The following SEPSECS variants were observed in gnomAD, a reference collection of about 807,000 sequenced individuals.
SEPSECS encodes O-phosphoseryl-tRNA(Sec) selenium transferase.
SEPSECS carries 42 observed loss-of-function variants against 52.1 expected under a neutral mutation model. The observed-to-expected ratio is 0.81, with a 90% confidence interval of 0.63 to 1.04. The LOEUF (loss-of-function observed/expected upper bound fraction) is 1.04. Ranked by LOEUF, SEPSECS falls within the 50% of genes least tolerant of loss-of-function variation. The pLI, the probability that SEPSECS is intolerant of heterozygous loss-of-function variation, is 0.00. For missense variants in SEPSECS, 590 were observed against 610.6 expected, an observed-to-expected ratio of 0.97 and a Z score of 0.36; for synonymous variants, 216 against 211.4, an observed-to-expected ratio of 1.02 and a Z score of -0.19.
chr4:25,149,958 G>A (rs1047735244), intron 6 of SEPSECS, among the ~76,000 whole-genome samples: 6 of 152,146 alleles, frequency 3.9e-5, no homozygotes, highest in Non-Finnish European at 7.4e-5. Context: ...CTCCACCTCT[G>A]GACTTGCTAC....
intron 2 of SEPSECS, 125 bp downstream of exon 2, chr4:25,158,828 T>C: frequency 1.1e-6 from 1 of 933,840 alleles, no homozygotes; most frequent in Non-Finnish European, 1.7e-6. Context: ...ACATATCCAT[T>C]AGAGCAGGGA....
At chr4:25,137,005 T>C (rs1728866777) in intron 8 of SEPSECS, among the ~76,000 whole-genome samples, 2 of 152,224 alleles carry the variant, frequency 1.3e-5, no homozygotes. Context: ...GAAAACTGGC[T>C]AGCCATATGC....
In SEPSECS at chr4:25,120,899, A is replaced by G. The variant is rs1261336870; in HGVS notation, c.*3032T>C. ...AAATTATCTGTTTAAATTTTACTAA[A>G]ATCTATGGAAGCCATAGATGTAGTC... On this transcript the variant is annotated 3_prime_UTR_variant, in exon 11 of 11. Coordinates refer to ENST00000382103, the MANE Select transcript of SEPSECS (RefSeq NM_016955.4). 1 of 152,146 alleles carries G rather than the reference A, an allele frequency of 6.6e-6. No homozygotes were observed. Among genetic ancestry groups the G allele is most frequent in the East Asian group, 1.9e-4 (1 of 5,196 alleles). 9.4% of individuals were successfully genotyped at this position (152,146 alleles called of 1,614,324 possible). A position where few individuals can be genotyped will look rare whatever the true frequency, so the allele number is the denominator to read the frequency against.
At position 25,144,848 on chromosome 4, in the gene SEPSECS, G is replaced by A; in HGVS notation, c.952C>T (p.Pro318Ser). 6.2e-7 allele frequency: 1 copy of A among 1,612,900 alleles called. No homozygotes were observed. Among genetic ancestry groups the A allele is most frequent in the Non-Finnish European group, 8.5e-7 (1 of 1,179,094 alleles). ...KMYPGRASASPSLDVLITLLS... is the reference protein window; with the variant it reads ...KMYPGRASASSSLDVLITLLS... Reference sequence around the variant, plus strand: ...AAAGTAATAAGGACATCTAAAGAAGGTGAAGCTGAAGCTCTTCCTGAAATA... The same window carrying A: ...AAAGTAATAAGGACATCTAAAGAAGATGAAGCTGAAGCTCTTCCTGAAATA... Residue 318 changes from proline (P) to serine (S), a missense_variant, in exon 8 of 11, where the codon CCT becomes TCT. Physicochemically the swap from Pro to Ser is moderately conservative, Grantham distance 74. Transcript: ENST00000382103.
At chr4:25,142,413 T>C (rs1397786782) in intron 8 of SEPSECS, among the ~76,000 whole-genome samples, 1 of 152,214 alleles carries the variant, frequency 6.6e-6, no homozygotes, top group Non-Finnish European at 1.5e-5. Flanking sequence ...TCAAGCAAAC[T>C]TTGTAATTTC....
chr4:25,135,850 C>G (rs1461273938), intron 8 of SEPSECS, among the ~76,000 whole-genome samples: 1 of 152,164 alleles, frequency 6.6e-6, no homozygotes. Flanking sequence ...AAAAGCTTAT[C>G]CACCATGACT....
intron 10 of SEPSECS, among the ~76,000 whole-genome samples, chr4:25,124,909 T>C (rs1728301009): frequency 6.6e-6 from 1 of 152,048 alleles, no homozygotes; most frequent in Admixed American, 6.6e-5. Context: ...TTTTTGTTTT[T>C]TTCAAAGAAG....
chr4:25,155,352 AT>A, intron 4 of SEPSECS: 1 of 605,904 alleles, frequency 1.7e-6, no homozygotes, highest in Non-Finnish European at 2.9e-6. Context: ...CTACTACACA[AT>A]TTTAGGACCA....
upstream of SEPSECS, chr4:25,160,483 A>AAAAACAAAACAAAAC: frequency 1.2e-6 from 1 of 830,514 alleles, no homozygotes; most frequent in Non-Finnish European, 1.9e-6. Context: ...CCTTGGGACA[A>AAAAACAAAACAAAAC]AAAACAAAAC....
chr4:25,136,330 T>C (rs898237941), intron 8 of SEPSECS, among the ~76,000 whole-genome samples: 6 of 152,198 alleles, frequency 3.9e-5, no homozygotes, highest in African/African-American at 1.4e-4. Context: ...AAAAGTTTCT[T>C]AAGCTGATAA....
chr4:25,149,841 A>C (rs1212643541), intron 6 of SEPSECS, among the ~76,000 whole-genome samples: 18 of 152,260 alleles, frequency 1.2e-4, no homozygotes. Flanking sequence ...CAATAAGTGA[A>C]GAAGCCTTAA....
In SEPSECS at chr4:25,120,966, T is replaced by C. The variant is rs1728097674; in HGVS notation, c.*2965A>G. The C allele has an allele frequency of 6.6e-6, 1 of 152,130 alleles. No individual in the cohort carries two copies. Among genetic ancestry groups the C allele is most frequent in the South Asian group, 2.1e-4 (1 of 4,822 alleles). The allele number at this position is 152,130 out of a possible 1,614,324, so 9.4% of individuals were successfully genotyped here. On this transcript the variant is annotated 3_prime_UTR_variant, in exon 11 of 11. Coordinates refer to ENST00000382103, the MANE Select transcript of SEPSECS (RefSeq NM_016955.4). ...CCCAGTCCTCAATAACAGTTCTTAT[T>C]ATGAGGTGGTTAAAGACACAGAACC...
intron 3 of SEPSECS, 39 bp downstream of exon 3, chr4:25,156,817 C>G (rs907980020): frequency 1.7e-5 from 17 of 1,011,518 alleles, no homozygotes; most frequent in Non-Finnish European, 2.5e-5. Context: ...GTGTGTGTGT[C>G]CAGACAGCCA....
intron 6 of SEPSECS, among the ~76,000 whole-genome samples, chr4:25,151,295 T>C (rs947277446): frequency 1.4e-4 from 22 of 152,092 alleles, no homozygotes; most frequent in African/African-American, 5.1e-4. Flanking sequence ...AGCAAAGGCC[T>C]GGAAGTGCAG....
Position 25,145,079 on chromosome 4 carries a change from T to G in SEPSECS, c.859A>C (p.Met287Leu), listed in dbSNP as rs1714585259. The change falls in exon 7 of 11, where the codon ATG becomes CTG. Residue 287 changes from methionine (M) to leucine (L), a missense_variant. By Grantham distance (15) the Met-to-Leu change is conservative. Transcript: ENST00000382103. ...ATTATAGCACCACCTACTGGAACCA[T>G]AAAATTTTTGTCCAAGCTCTGAACA... is the stretch of plus-strand genomic sequence containing the variant. ...AFVQSLDKNFMVPVGGAIIAG... is the reference protein window; with the variant it reads ...AFVQSLDKNFLVPVGGAIIAG... 6.2e-7 allele frequency: 1 copy of G among 1,613,932 alleles called. No individual in the cohort carries two copies. Among genetic ancestry groups the G allele is most frequent in the Non-Finnish European group, 8.5e-7 (1 of 1,179,914 alleles).
intron 8 of SEPSECS, among the ~76,000 whole-genome samples, chr4:25,129,248 A>G (rs1487152342): frequency 2.0e-5 from 3 of 152,130 alleles, no homozygotes; most frequent in Non-Finnish European, 4.4e-5. Flanking sequence ...TTCGTTATTT[A>G]AAGTATAGAG....
intron 8 of SEPSECS, among the ~76,000 whole-genome samples, chr4:25,128,805 C>T (rs1324067398): frequency 6.6e-6 from 1 of 151,960 alleles, no homozygotes; most frequent in Non-Finnish European, 1.5e-5. Context: ...AGTACCCAAG[C>T]AGAGACAGCA....
In SEPSECS at chr4:25,156,475, C is replaced by T. The variant is rs570651707; in HGVS notation, c.389-280G>A. ...ATCCCAGCATTTTGGGAGGCCAAGG[C>T]GGGCGGATCACGAGGTCAGGAGATC... On this transcript the variant is annotated intron_variant, in intron 3 of 10. Coordinates refer to ENST00000382103, the MANE Select transcript of SEPSECS (RefSeq NM_016955.4). 3.0e-4 allele frequency among the ~76,000 whole-genome samples: 45 copies of T among 151,516 alleles called. 1 individual carries two copies. In the South Asian group the frequency reaches 6.1e-3, roughly 20 times the overall value.
At chr4:25,152,994 G>A (rs1712399415) in intron 5 of SEPSECS, among the ~76,000 whole-genome samples, 1 of 151,892 alleles carries the variant, frequency 6.6e-6, no homozygotes, top group South Asian at 2.1e-4. Flanking sequence ...CCTATTTCTA[G>A]TAGATGTCAT....
Sources: allele counts gnomAD v4.1 joint callset (sites outside exome capture counted in the v4.1 genomes callset), GRCh38; gene constraint gnomAD v4.1.1; transcripts MANE v1.5; gene names NCBI Gene and HGNC (gene_info 2026-07-23, HGNC 2026-07-21).